Variants in ANKS1B observed in about 807,000 individuals in gnomAD.
ANKS1B encodes the protein ankyrin repeat and sterile alpha motif domain containing 1B, also known as ankyrin repeat and sterile alpha motif domain-containing protein 1B.
In ANKS1B, 36 loss-of-function variants were observed where a neutral mutation model predicts 148.3. That is an observed-to-expected ratio of 0.24 (90% CI 0.19 to 0.32). The LOEUF (loss-of-function observed/expected upper bound fraction) is 0.32. Ranked by LOEUF, ANKS1B falls within the 10% of genes least tolerant of loss-of-function variation. ANKS1B has a pLI of 1.00. For missense variants in ANKS1B, 1,157 were observed against 1,542.6 expected, an observed-to-expected ratio of 0.75 and a Z score of 4.19; for synonymous variants, 542 against 560.8, an observed-to-expected ratio of 0.97 and a Z score of 0.47.
intron 17 of ANKS1B, among the ~76,000 whole-genome samples, chr12:98,903,887 T>C (rs950546796): frequency 6.6e-6 from 1 of 152,146 alleles, no homozygotes; most frequent in Non-Finnish European, 1.5e-5. Context: ...AAGAAGCCCA[T>C]CCATCTTTGA....
intron 9 of ANKS1B, among the ~76,000 whole-genome samples, chr12:98,738,175 C>T (rs2097782614): frequency 6.6e-6 from 1 of 152,152 alleles, no homozygotes; most frequent in African/African-American, 2.4e-5. Context: ...ATGACTTGCT[C>T]CTGAGTCAAA....
chr12:99,484,673 T>C (rs1466637338), intron 10 of ANKS1B, among the ~76,000 whole-genome samples: 1 of 151,788 alleles, frequency 6.6e-6, no homozygotes, highest in Non-Finnish European at 1.5e-5. Flanking sequence ...AGCTCCAGTG[T>C]TAGGTGTATA....
At chr12:98,847,471 T>C (rs1052314102) in intron 17 of ANKS1B, among the ~76,000 whole-genome samples, 2 of 152,232 alleles carry the variant, frequency 1.3e-5, no homozygotes, top group African/African-American at 4.8e-5. Flanking sequence ...TAATATTCCA[T>C]GGTATGTATA....
chr12:99,441,806 C>T (rs996021784), intron 11 of ANKS1B, among the ~76,000 whole-genome samples: 69 of 151,900 alleles, frequency 4.5e-4, no homozygotes, highest in African/African-American at 1.6e-3. Flanking sequence ...TTAATTCTAC[C>T]TCTAGATTTC....
At chr12:98,957,180 T>C (rs2099863583) in intron 17 of ANKS1B, among the ~76,000 whole-genome samples, 1 of 152,098 alleles carries the variant, frequency 6.6e-6, no homozygotes, top group African/African-American at 2.4e-5. Flanking sequence ...GAAAAAAGCC[T>C]CCTTTTCCTG....
At chr12:99,406,265 G>T (rs562910931) in intron 11 of ANKS1B, among the ~76,000 whole-genome samples, 2 of 145,414 alleles carry the variant, frequency 1.4e-5, no homozygotes, top group East Asian at 1.9e-4. Context: ...TAGACCATTT[G>T]TTAGGTCACG....
intron 14 of ANKS1B, among the ~76,000 whole-genome samples, chr12:99,212,272 C>T (rs529075405): frequency 1.3e-5 from 2 of 152,292 alleles, no homozygotes; most frequent in South Asian, 2.1e-4. Context: ...CTTATATTTC[C>T]ATGTGTCAGT....
At chr12:99,602,814 T>C (rs988828060) in intron 9 of ANKS1B, among the ~76,000 whole-genome samples, 3 of 152,032 alleles carry the variant, frequency 2.0e-5, no homozygotes, top group Admixed American at 6.6e-5. Context: ...TAGAGGAAAC[T>C]AGAAGAATTT....
chr12:98,797,792 A>G (rs1242235605), intron 22 of ANKS1B, among the ~76,000 whole-genome samples: 1 of 152,178 alleles, frequency 6.6e-6, no homozygotes, highest in Non-Finnish European at 1.5e-5. Flanking sequence ...GTTTCAGTGT[A>G]ATTATATGCT....
chr12:99,152,536 G>A (rs2075213822), intron 15 of ANKS1B, among the ~76,000 whole-genome samples: 1 of 152,010 alleles, frequency 6.6e-6, no homozygotes, highest in Non-Finnish European at 1.5e-5. Context: ...ATCTCTCTTT[G>A]AATGCTTATT....
chr12:99,507,853 A>G (rs2096727424), intron 9 of ANKS1B, among the ~76,000 whole-genome samples: 1 of 151,828 alleles, frequency 6.6e-6, no homozygotes, highest in African/African-American at 2.4e-5. Context: ...TGTGTCCACT[A>G]CTCAGTTTAA....
At chr12:99,573,459 A>G (rs115300199) in intron 9 of ANKS1B, among the ~76,000 whole-genome samples, 2,132 of 152,132 alleles carry the variant, frequency 0.014, 70 homozygotes, top group African/African-American at 0.049. Flanking sequence ...ATCTTTTTCT[A>G]TTGCCAGGAA....
At chr12:99,707,227 G>A (rs2153530279) in intron 8 of ANKS1B, among the ~76,000 whole-genome samples, 1 of 152,132 alleles carries the variant, frequency 6.6e-6, no homozygotes, top group Middle Eastern at 3.4e-3. Context: ...CAAGCCTCCA[G>A]TTTGTTTGCA....
rs1567814901 is a variant in ANKS1B at position 99,770,434 on chromosome 12, T to A, written c.1128+2488A>T. ...AGGTGACCTGTACTTGACTAAACTT[T>A]TTGCAACATGTAAGAGTATAATTGA... On this transcript the variant is annotated intron_variant, in intron 8 of 26. Transcript: ENST00000683438. Among the ~76,000 whole-genome samples the A allele has an allele frequency of 2.0e-5, 3 of 152,196 alleles. No homozygotes were observed. In the East Asian group the frequency reaches 5.8e-4, roughly 29 times the overall value.
chr12:99,507,692 G>A (rs529982389), intron 9 of ANKS1B, among the ~76,000 whole-genome samples: 1 of 151,960 alleles, frequency 6.6e-6, no homozygotes, highest in East Asian at 1.9e-4. Context: ...AGGCCCCCGC[G>A]GGAAGGAGTT....
rs557161767 is a variant in ANKS1B, at chr12:99,429,721, T to C, written c.1575+13952A>G. Among the ~76,000 whole-genome samples the C allele has an allele frequency of 1.1e-4, 17 of 152,216 alleles. No individual in the cohort carries two copies. In the South Asian group the frequency reaches 2.7e-3, roughly 24 times the overall value. ...GCTCACGCCTGTAATCCCAGCACTC[T>C]GGGAGGCCAAGGCGGGTGGATCACG... is the stretch of plus-strand genomic sequence containing the variant. On this transcript the variant is annotated intron_variant, in intron 11 of 26. Transcript: ENST00000683438.
intron 15 of ANKS1B, among the ~76,000 whole-genome samples, chr12:99,131,688 A>C (rs1200125105): frequency 6.6e-6 from 1 of 152,030 alleles, no homozygotes; most frequent in African/African-American, 2.4e-5. Context: ...TTATAATGGG[A>C]ACATATTTAT....
At chr12:99,410,332 A>T (rs938584307) in intron 11 of ANKS1B, among the ~76,000 whole-genome samples, 10 of 140,540 alleles carry the variant, frequency 7.1e-5, no homozygotes, top group African/African-American at 2.7e-4. Flanking sequence ...TTACTCTCTG[A>T]TCTTTTATAA....
chr12:98,794,392 CAAAAAAAAAAAAAAAA>C (rs571692746), intron 22 of ANKS1B: 94 of 84,144 alleles, frequency 1.1e-3, no homozygotes, highest in East Asian at 0.01. Context: ...AACTCTGTCT[CAAAAAAAAAAAAAAAA>C]AAAAAAAAAA....
Sources: allele counts gnomAD v4.1 joint callset (sites outside exome capture counted in the v4.1 genomes callset), GRCh38; gene constraint gnomAD v4.1.1; transcripts MANE v1.5; gene names NCBI Gene and HGNC (gene_info 2026-07-23, HGNC 2026-07-21).